FNDC1: variants seen among roughly 807,000 people sequenced by gnomAD.
FNDC1 encodes the protein fibronectin type III domain-containing protein 1.
In FNDC1, 96 loss-of-function variants were observed where a neutral mutation model predicts 168.0. The observed-to-expected ratio is 0.57, with a 90% CI of 0.48 to 0.68. The LOEUF (loss-of-function observed/expected upper bound fraction) is 0.68. Ranked by LOEUF, FNDC1 falls within the 30% of genes least tolerant of loss-of-function variation. The pLI, the probability that FNDC1 is intolerant of heterozygous loss-of-function variation, is 0.00. For synonymous variants in FNDC1, 1,099 were observed against 1,025.9 expected, an observed-to-expected ratio of 1.07 and a Z score of -1.36; for missense variants, 2,587 against 2,482.1, an observed-to-expected ratio of 1.04 and a Z score of -0.90.
intron 17 of FNDC1, among the ~76,000 whole-genome samples, chr6:159,252,407 T>C (rs58018918): frequency 0.012 from 1,785 of 152,294 alleles, 36 homozygotes; most frequent in African/African-American, 0.04. Flanking sequence ...CTATTATATC[T>C]TACAATGAAA....
intron 3 of FNDC1, 30 bp downstream of exon 3, chr6:159,200,112 G>A: frequency 1.3e-6 from 2 of 1,493,786 alleles, no homozygotes; most frequent in Non-Finnish European, 1.8e-6. Context: ...AGAGGCTGTA[G>A]TGTTGTTACT....
chr6:159,222,942 T>C (rs1782860901), intron 6 of FNDC1, among the ~76,000 whole-genome samples: 1 of 152,126 alleles, frequency 6.6e-6, no homozygotes, highest in Admixed American at 6.5e-5. Flanking sequence ...TGTACTGTTT[T>C]ATATGTCGAT....
At chr6:159,255,541 C>G (rs1179324894) in intron 17 of FNDC1, among the ~76,000 whole-genome samples, 1 of 152,332 alleles carries the variant, frequency 6.6e-6, no homozygotes, top group East Asian at 1.9e-4. Flanking sequence ...ACTACTTTAT[C>G]TCCAGCACTT....
chr6:159,200,150 T>C, intron 3 of FNDC1, 68 bp downstream of exon 3: 1 of 1,136,700 alleles, frequency 8.8e-7, no homozygotes, highest in Non-Finnish European at 1.3e-6. Flanking sequence ...CCCTCCTTGC[T>C]TCTTCCAGTA....
At chr6:159,221,473 C>G (rs1258478393) in intron 5 of FNDC1, 125 bp from the exon 6 acceptor site, 2 of 736,068 alleles carry the variant, frequency 2.7e-6, no homozygotes, top group Non-Finnish European at 4.7e-6. Context: ...GGGAATACCC[C>G]CAGAAAGAGG....
chr6:159,189,905 TG>T (rs902232983), intron 1 of FNDC1, among the ~76,000 whole-genome samples: 8 of 152,190 alleles, frequency 5.3e-5, no homozygotes, highest in Non-Finnish European at 1.2e-4. Context: ...GGGACTGTGC[TG>T]GGCTCTTCTG....
In FNDC1 at chr6:159,240,049, G is replaced by A. The variant is rs189007099; in HGVS notation, c.4621+92G>A. 134 of 1,244,518 alleles carry A rather than the reference G, an allele frequency of 1.1e-4. No individual in the cohort carries two copies. In the Middle Eastern group the frequency reaches 1.6e-3, roughly 15 times the overall value. 77.1% of individuals were successfully genotyped at this position (1,244,518 alleles called of 1,614,324 possible). A position where few individuals can be genotyped will look rare whatever the true frequency, so the allele number is the denominator to read the frequency against. On this transcript the variant is annotated intron_variant, in intron 14 of 22. Coordinates refer to ENST00000297267, the MANE Select transcript of FNDC1 (RefSeq NM_032532.3). ...GTGGCAGAGCCTGCAGGGGAGGTAT[G>A]AGCACCGTGCACAGCAAAGCAGCAA...
chr6:159,231,455 T>C (rs1261276792), intron 10 of FNDC1, among the ~76,000 whole-genome samples: 4 of 152,238 alleles, frequency 2.6e-5, no homozygotes, highest in Non-Finnish European at 5.9e-5. Context: ...TATTCAGCAA[T>C]TTGCACCAGG....
At chr6:159,234,923 G>A (rs1210992544) in intron 11 of FNDC1, among the ~76,000 whole-genome samples, 1 of 152,236 alleles carries the variant, frequency 6.6e-6, no homozygotes, top group Non-Finnish European at 1.5e-5. Flanking sequence ...ATGTGTTTAA[G>A]GGATCCATAG....
intron 4 of FNDC1, among the ~76,000 whole-genome samples, chr6:159,212,223 C>A (rs1055838186): frequency 6.6e-6 from 1 of 152,224 alleles, no homozygotes; most frequent in African/African-American, 2.4e-5. Flanking sequence ...GGAATGTGTC[C>A]AGCCAAGTTT....
In FNDC1 at chr6:159,197,597, G is replaced by C. The variant is rs776087344; in HGVS notation, c.276G>C (p.Glu92Asp). Reference sequence around the variant, plus strand: ...TTAAATACATCAAGGTGAATGCGGAGACATACTCCTTCCTTATTGAGGATG... The same window carrying C: ...TTAAATACATCAAGGTGAATGCGGACACATACTCCTTCCTTATTGAGGATG... Reference protein sequence around the residue: ...KSLKYIKVNAETYSFLIEDVE... With the variant: ...KSLKYIKVNADTYSFLIEDVE... Residue 92 changes from glutamate to aspartate, a missense_variant, in exon 2 of 23, where the codon GAG (glutamate) becomes GAC (aspartate). By Grantham distance (45) the Glu-to-Asp change is conservative (BLOSUM62 2). Transcript: ENST00000297267. The C allele has an allele frequency of 6.2e-7, 1 of 1,613,120 alleles. No individual in the cohort carries two copies. Among genetic ancestry groups the C allele is most frequent in the Admixed American group, 1.7e-5 (1 of 59,900 alleles).
chr6:159,231,621 A>G (rs1783084592), intron 10 of FNDC1, among the ~76,000 whole-genome samples: 2 of 152,238 alleles, frequency 1.3e-5, no homozygotes, highest in Admixed American at 1.3e-4. Context: ...AAATAATAAG[A>G]TGTGGCATAA....
intron 5 of FNDC1, among the ~76,000 whole-genome samples, chr6:159,219,841 T>A (rs1407438890): frequency 6.6e-6 from 1 of 152,202 alleles, no homozygotes; most frequent in Non-Finnish European, 1.5e-5. Context: ...TTCCATTAGT[T>A]ACTTACAATG....
chr6:159,190,090 A>T (rs1470311187), intron 1 of FNDC1, among the ~76,000 whole-genome samples: 2 of 152,204 alleles, frequency 1.3e-5, no homozygotes, highest in African/African-American at 4.8e-5. Flanking sequence ...AGGAAGATAC[A>T]TGGCAGGTTA....
At chr6:159,237,624 TTA>T (rs1461944636) in intron 12 of FNDC1, among the ~76,000 whole-genome samples, 2 of 152,248 alleles carry the variant, frequency 1.3e-5, no homozygotes, top group African/African-American at 4.8e-5. Context: ...TGGAAAGATT[TTA>T]TGTCTTTAAT....
Position 159,226,566 on chromosome 6 carries a change from A to T in FNDC1, c.1166A>T (p.Glu389Val). 6.2e-7 allele frequency: 1 copy of T among 1,605,528 alleles called. No individual in the cohort carries two copies. The highest frequency in any genetic ancestry group is 8.5e-7 in the Non-Finnish European group (1 of 1,175,666). ...AASWDALPET[E>V]GKVKEYILSY... is the part of the protein sequence containing the mutation. ...TCTTGGGATGCGCTACCAGAGACTG[A>T]GGGGAAAGTGAAAGGTAGGAATCTC... Residue 389 changes from glutamate (E) to valine (V), a missense_variant, in exon 9 of 23, where the codon GAG becomes GTG. Coordinates refer to ENST00000297267, the MANE Select transcript of FNDC1 (RefSeq NM_032532.3).
intron 6 of FNDC1, among the ~76,000 whole-genome samples, chr6:159,222,024 C>T (rs1363026540): frequency 2.0e-5 from 3 of 152,066 alleles, no homozygotes; most frequent in South Asian, 2.1e-4. Context: ...CACTGAACGA[C>T]GTGAGAGAGA....
chr6:159,240,665 GA>G (rs1783399058), intron 14 of FNDC1: 1 of 152,210 alleles, frequency 6.6e-6, no homozygotes, highest in Non-Finnish European at 1.5e-5. Flanking sequence ...TCTTCCTTCT[GA>G]AAATGGCTTG....
intron 4 of FNDC1, among the ~76,000 whole-genome samples, chr6:159,202,788 C>T (rs1353848538): frequency 6.6e-6 from 1 of 152,186 alleles, no homozygotes; most frequent in Admixed American, 6.5e-5. Flanking sequence ...GACAAGGGAT[C>T]ACCTCAATGA....
Sources: gnomAD v4.1 joint callset for allele counts (sites outside exome capture counted in the v4.1 genomes callset) on GRCh38, gnomAD v4.1.1 for gene constraint, MANE v1.5 for transcripts, NCBI Gene and HGNC (gene_info 2026-07-23, HGNC 2026-07-21) for gene names.